Variants in EXD1 observed in about 807,000 individuals in gnomAD.
EXD1 encodes the protein piRNA biogenesis protein EXD1.
In EXD1, 63 loss-of-function variants were observed where a neutral mutation model predicts 49.1. That is an observed-to-expected ratio of 1.28 (90% CI 1.05 to 1.58). The LOEUF (loss-of-function observed/expected upper bound fraction) is 1.58, where lower values mean the gene tolerates loss of function less well. EXD1 is among the 40% of genes most tolerant of loss of function. The pLI, the probability that EXD1 is intolerant of heterozygous loss-of-function variation, is 0.00. For synonymous variants in EXD1, 234 were observed against 239.2 expected (o/e 0.98, Z 0.20); for missense variants, 748 against 666.0 (o/e 1.12, Z -1.36).
intron 9 of EXD1, chr15:41,192,121 G>A (rs2046530205): frequency 6.5e-6 from 1 of 153,910 alleles, no homozygotes; most frequent in Non-Finnish European, 1.4e-5. Context: ...CCCCGCTCCT[G>A]GGAGGCCACC....
intron 1 of EXD1, among the ~76,000 whole-genome samples, chr15:41,228,012 T>C (rs557423297): frequency 6.6e-6 from 1 of 152,242 alleles, no homozygotes; most frequent in South Asian, 2.1e-4. Flanking sequence ...ATCGCGCCAT[T>C]GCACTCCAGC....
At chr15:41,224,967 T>TAA (rs11437857) in intron 2 of EXD1, among the ~76,000 whole-genome samples, 95 of 149,136 alleles carry the variant, frequency 6.4e-4, no homozygotes, top group African/African-American at 2.1e-3. Flanking sequence ...GACTTTGTCT[T>TAA]AAAAAAAAAA....
intron 1 of EXD1, among the ~76,000 whole-genome samples, chr15:41,228,787 C>G (rs187812030): frequency 6.6e-6 from 1 of 151,990 alleles, no homozygotes; most frequent in Non-Finnish European, 1.5e-5. Context: ...CAACCTCTGC[C>G]TCCCGGGTTC....
chr15:41,187,513 T>C (rs2046432283), intron 11 of EXD1, among the ~76,000 whole-genome samples: 1 of 152,214 alleles, frequency 6.6e-6, no homozygotes, highest in African/African-American at 2.4e-5. Context: ...TGACTGTATA[T>C]GTTTTATTAT....
intron 3 of EXD1, among the ~76,000 whole-genome samples, chr15:41,217,529 C>CTTTTTTTTTTTTTTTTT (rs3033817): frequency 7.9e-6 from 1 of 127,138 alleles, no homozygotes; most frequent in African/African-American, 3.2e-5. Context: ...GAGGGTTTTC[C>CTTTTTTTTTTTTTTTTT]TTTTTTTTTT....
chr15:41,199,731 A>ATATAT (rs2046684005), intron 7 of EXD1, among the ~76,000 whole-genome samples: 12 of 24,532 alleles, frequency 4.9e-4, no homozygotes, highest in African/African-American at 1.1e-3. Flanking sequence ...ATTATATATG[A>ATATAT]TATATATGTC....
At position 41,230,471 on chromosome 15, in the gene EXD1, T is replaced by C. The variant is rs1278356693; in HGVS notation, c.-54+8A>G. The C allele has an allele frequency of 6.2e-7, 1 of 1,612,746 alleles. No individual in the cohort carries two copies. The highest frequency in any genetic ancestry group is 1.7e-5 in the Admixed American group (1 of 59,978). Reference sequence around the variant, plus strand: ...GACAAAATAAGGAACTTCAAATAAATGGCGGACCATAAGCTAGGAATTCAC... The same window carrying C: ...GACAAAATAAGGAACTTCAAATAAACGGCGGACCATAAGCTAGGAATTCAC... On this transcript the variant is annotated splice_region_variant and intron_variant, in intron 1 of 11. Transcript: ENST00000458580.
chr15:41,204,838 T>TAA (rs1451865584), intron 7 of EXD1, among the ~76,000 whole-genome samples: 3 of 152,074 alleles, frequency 2.0e-5, no homozygotes, highest in African/African-American at 7.2e-5. Flanking sequence ...AAAAGGGCCA[T>TAA]AAAAATGATC....
intron 6 of EXD1, among the ~76,000 whole-genome samples, chr15:41,213,541 A>T (rs2046954644): frequency 9.1e-6 from 1 of 110,214 alleles, no homozygotes; most frequent in South Asian, 2.4e-4. Flanking sequence ...TTTTTGAGAC[A>T]GAGTCTCACT....
At chr15:41,220,353 T>G (rs1159688184) in intron 2 of EXD1, among the ~76,000 whole-genome samples, 1 of 151,902 alleles carries the variant, frequency 6.6e-6, no homozygotes, top group Non-Finnish European at 1.5e-5. Flanking sequence ...TCACTGCAAC[T>G]TCCGCTTCCC....
chr15:41,199,839 T>C lies in EXD1; in HGVS notation c.535-3802A>G, dbSNP rs528993759. Among the ~76,000 whole-genome samples the C allele has an allele frequency of 8.1e-3, 1,161 of 142,872 alleles. 26 individuals carry two copies. The highest frequency in any genetic ancestry group is 0.029 in the African/African-American group (1,094 of 38,344). The allele number at this position is 142,872 out of a possible 152,430, so 93.7% of individuals were successfully genotyped here. On this transcript the variant is annotated intron_variant, in intron 7 of 11. Transcript: ENST00000458580. ...TATATAGATATATGTCAATATATGA[T>C]ATATATAATATGTCATATATATGAT...
intron 11 of EXD1, among the ~76,000 whole-genome samples, chr15:41,187,504 G>A (rs1260565172): frequency 1.3e-5 from 2 of 152,152 alleles, no homozygotes; most frequent in South Asian, 2.1e-4. Context: ...GCTGAGAGAT[G>A]ACTGTATATG....
At chr15:41,217,371 T>A (rs1037377556) in intron 3 of EXD1, among the ~76,000 whole-genome samples, 2 of 152,176 alleles carry the variant, frequency 1.3e-5, no homozygotes, top group African/African-American at 4.8e-5. Context: ...CAAAGCTTCT[T>A]GGTTATTTAG....
At chr15:41,220,113 C>T (rs965450341) in intron 2 of EXD1, among the ~76,000 whole-genome samples, 1 of 151,792 alleles carries the variant, frequency 6.6e-6, no homozygotes, top group African/African-American at 2.4e-5. Context: ...AAGGGAAACC[C>T]CATTAAGGTC....
intron 9 of EXD1, among the ~76,000 whole-genome samples, chr15:41,193,997 TG>T: frequency 7.2e-6 from 1 of 139,424 alleles, no homozygotes; most frequent in Non-Finnish European, 1.5e-5. Flanking sequence ...GAATGACAAG[TG>T]ATTTTTTTTT....
intron 6 of EXD1, 112 bp from the exon 7 acceptor site, chr15:41,209,699 G>T: frequency 1.1e-6 from 1 of 879,016 alleles, no homozygotes; most frequent in Non-Finnish European, 1.8e-6. Context: ...CATCATCTTT[G>T]TTAAACTTAC....
At chr15:41,190,250 G>A (rs757931835) in intron 10 of EXD1, 122 bp from the exon 11 acceptor site, 9 of 987,210 alleles carry the variant, frequency 9.1e-6, no homozygotes, top group Non-Finnish European at 1.2e-5. Context: ...TGAGGCAGGC[G>A]GATCACAAGG....
chr15:41,208,369 G>GAA (rs10586810), intron 7 of EXD1, among the ~76,000 whole-genome samples: 20 of 62,636 alleles, frequency 3.2e-4, no homozygotes, highest in African/African-American at 5.8e-4. Flanking sequence ...ACTCATCTCT[G>GAA]AAAAAAAAAA....
At chr15:41,188,250 G>A (rs1018877786) in intron 11 of EXD1, among the ~76,000 whole-genome samples, 12 of 151,664 alleles carry the variant, frequency 7.9e-5, no homozygotes, top group African/African-American at 2.9e-4. Flanking sequence ...CAGTCTGCAG[G>A]CCAGATTTGG....
Sources: allele counts gnomAD v4.1 joint callset (sites outside exome capture counted in the v4.1 genomes callset), GRCh38; gene constraint gnomAD v4.1.1; transcripts MANE v1.5; gene names NCBI Gene and HGNC (gene_info 2026-07-23, HGNC 2026-07-21).